Variants in EML2 observed in about 807,000 individuals in gnomAD.
EML2 encodes EMAP like 2.
A neutral mutation model predicts 84.7 loss-of-function variants in EML2; 59 were observed. The observed-to-expected ratio is 0.70, with a 90% CI of 0.56 to 0.86. EML2 has a LOEUF of 0.86. Ranked by LOEUF, EML2 falls within the 40% of genes least tolerant of loss-of-function variation. EML2 has a pLI of 0.00. For synonymous variants in EML2, 352 were observed against 348.9 expected, an observed-to-expected ratio of 1.01 and a Z score of -0.10; for missense variants, 818 against 855.6, an observed-to-expected ratio of 0.96 and a Z score of 0.55.
intron 7 of EML2, among the ~76,000 whole-genome samples, chr19:45,629,407 C>A (rs140342716): frequency 0.01 from 1,589 of 152,220 alleles, 22 homozygotes; most frequent in African/African-American, 0.035. Flanking sequence ...CTCACCGCAA[C>A]CTCCGCCTCC....
At chr19:45,629,792 G>A (rs950980366) in intron 7 of EML2, among the ~76,000 whole-genome samples, 159 bp downstream of exon 7, 6 of 151,974 alleles carry the variant, frequency 3.9e-5, no homozygotes, top group Admixed American at 6.6e-5. Flanking sequence ...AGACCACCAA[G>A]GCTCTGAGGT....
upstream of EML2, among the ~76,000 whole-genome samples, chr19:45,644,502 C>A (rs1278868430): frequency 6.6e-6 from 1 of 152,132 alleles, no homozygotes; most frequent in Non-Finnish European, 1.5e-5. Context: ...CATCTTGACC[C>A]TTCTGCCCCA....
At chr19:45,633,247 CGT>C in intron 4 of EML2, 108 bp from the exon 5 acceptor site, 1 of 1,120,532 alleles carries the variant, frequency 8.9e-7, no homozygotes, top group South Asian at 1.3e-5. Flanking sequence ...AGTCAATAAA[CGT>C]GTATTTAGTG....
chr19:45,622,262 C>T (rs1600123138), intron 9 of EML2, among the ~76,000 whole-genome samples: 1 of 152,236 alleles, frequency 6.6e-6, no homozygotes, highest in Admixed American at 6.6e-5. Flanking sequence ...CTCATCCATT[C>T]ATCACCCATC....
At chr19:45,618,618 C>T (rs536369783) in intron 12 of EML2, among the ~76,000 whole-genome samples, 1 of 152,126 alleles carries the variant, frequency 6.6e-6, no homozygotes, top group East Asian at 1.9e-4. Flanking sequence ...CTTCTAAGCA[C>T]CCAGTTCCCT....
intron 9 of EML2, 25 bp from the exon 10 acceptor site, chr19:45,621,662 C>A: frequency 6.2e-7 from 1 of 1,600,134 alleles, no homozygotes; most frequent in South Asian, 1.1e-5. Context: ...GGGGCAGGGT[C>A]AACAGGGAGA....
intron 11 of EML2, 139 bp downstream of exon 11, chr19:45,621,068 C>T (rs1568448045): frequency 2.2e-6 from 3 of 1,336,590 alleles, no homozygotes; most frequent in Admixed American, 2.0e-5. Flanking sequence ...GGGAAGGGGT[C>T]CTGGGTCAGG....
intron 3 of EML2, among the ~76,000 whole-genome samples, chr19:45,637,130 G>A (rs868306550): frequency 2.6e-5 from 4 of 152,184 alleles, no homozygotes; most frequent in African/African-American, 7.2e-5. Context: ...CAGCTGCCTC[G>A]AGAAGGCTCT....
intron 18 of EML2, among the ~76,000 whole-genome samples, chr19:45,612,699 G>A (rs1970619201): frequency 6.6e-6 from 1 of 151,990 alleles, no homozygotes; most frequent in Non-Finnish European, 1.5e-5. Flanking sequence ...AATAAAAAAA[G>A]AAGAGAAAGG....
intron 6 of EML2, among the ~76,000 whole-genome samples, chr19:45,632,139 C>T (rs1331901277): frequency 2.0e-5 from 3 of 150,540 alleles, no homozygotes; most frequent in East Asian, 3.9e-4. Flanking sequence ...GTGATCCGCC[C>T]GCCTCGGCCT....
chr19:45,643,451 T>C, upstream of EML2: 1 of 1,218,572 alleles, frequency 8.2e-7, no homozygotes, highest in Non-Finnish European at 1.1e-6. Context: ...CAGATTTGGC[T>C]CTCCAGCCTA....
rs1472781068 is a variant in EML2 at position 45,613,731 on chromosome 19, G to A, written c.1694-60C>T. The A allele has an allele frequency of 2.1e-5, 33 of 1,582,380 alleles. No individual in the cohort carries two copies. The Admixed American group carries it at 5.2e-4, about 25-fold the overall frequency. On this transcript the variant is annotated intron_variant, in intron 17 of 18. Coordinates refer to ENST00000245925, the MANE Select transcript of EML2 (RefSeq NM_012155.4). ...AGCTGGAGCCAGGGACCGCCAAGAG[G>A]AGCAGATTGCCACTCCAGCCACCTT...
chr19:45,632,722 C>G (rs1973204211), intron 6 of EML2, 139 bp downstream of exon 6: 1 of 719,910 alleles, frequency 1.4e-6, no homozygotes, highest in Non-Finnish European at 2.3e-6. Flanking sequence ...AGGACACGCC[C>G]TCATTGTGAC....
At chr19:45,626,273 A>T (rs1439291743) in intron 8 of EML2, among the ~76,000 whole-genome samples, 2 of 151,860 alleles carry the variant, frequency 1.3e-5, no homozygotes, top group Non-Finnish European at 2.9e-5. Context: ...CAGCCTCCCA[A>T]AATGCTGGGA....
At position 45,613,679 on chromosome 19, in the gene EML2, C is replaced by A; in HGVS notation, c.1694-8G>T. Reference sequence around the variant, plus strand: ...CCCCCTCAGACCAGATCCCTGTGGGCAAGATGAAGGGAAGTGGTAAGATGT... The same window carrying A: ...CCCCCTCAGACCAGATCCCTGTGGGAAAGATGAAGGGAAGTGGTAAGATGT... On this transcript the variant is annotated splice_region_variant and splice_polypyrimidine_tract_variant and intron_variant, in intron 17 of 18. Coordinates refer to ENST00000245925, the MANE Select transcript of EML2 (RefSeq NM_012155.4). The A allele has an allele frequency of 6.2e-7, 1 of 1,610,280 alleles. No individual in the cohort carries two copies. Among genetic ancestry groups the A allele is most frequent in the Admixed American group, 1.7e-5 (1 of 59,640 alleles).
At chr19:45,610,232 A>G (rs1970349120) in intron 18 of EML2, among the ~76,000 whole-genome samples, 1 of 151,024 alleles carries the variant, frequency 6.6e-6, no homozygotes, top group South Asian at 2.1e-4. Context: ...CCCGTTCTCT[A>G]CTAAAAATAT....
At chr19:45,644,606 C>T (rs1261155524), upstream of EML2, 11 of 442,582 alleles carry the variant, frequency 2.5e-5, no homozygotes, top group African/African-American at 8.0e-5. Flanking sequence ...TCAAGCCCTC[C>T]GCTCCCTCCT....
At chr19:45,617,376 T>G (rs1325443447) in intron 13 of EML2, among the ~76,000 whole-genome samples, 1 of 145,464 alleles carries the variant, frequency 6.9e-6, no homozygotes, top group African/African-American at 2.6e-5. Context: ...GCCAACATGG[T>G]GAAACCCCGT....
intron 18 of EML2, among the ~76,000 whole-genome samples, chr19:45,612,117 T>G (rs976833988): frequency 6.6e-6 from 1 of 151,814 alleles, no homozygotes; most frequent in Non-Finnish European, 1.5e-5. Flanking sequence ...CTTAGTGGAG[T>G]GCAGTGGCGT....
Sources: gnomAD v4.1 joint callset for allele counts (sites outside exome capture counted in the v4.1 genomes callset) on GRCh38, gnomAD v4.1.1 for gene constraint, MANE v1.5 for transcripts, NCBI Gene and HGNC (gene_info 2026-07-23, HGNC 2026-07-21) for gene names.